Variants in RAPGEF6 observed in about 807,000 individuals in gnomAD.
RAPGEF6 encodes the protein Rap guanine nucleotide exchange factor 6, also known as PDZ domain containing guanine nucleotide exchange factor (GEF) 2.
In RAPGEF6, 56 loss-of-function variants were observed where a neutral mutation model predicts 171.4. The observed-to-expected ratio is 0.33, with a 90% CI of 0.26 to 0.41. RAPGEF6 has a LOEUF of 0.41. Ranked by LOEUF, RAPGEF6 falls within the 10% of genes least tolerant of loss-of-function variation. RAPGEF6 has a pLI of 1.00. For missense variants in RAPGEF6, 1,674 were observed against 1,921.4 expected (o/e 0.87, Z 2.41); for synonymous variants, 692 against 650.1 (o/e 1.06, Z -0.98).
rs1337536459 is a variant in RAPGEF6 at position 131,597,112 on chromosome 5, TA to T, written c.198-4647del. ...GACATAAAAATAGCCAATAGGTATA[TA>T]AAAAAATATTCAAATAAACTAATCA... On this transcript the variant is annotated intron_variant, in intron 3 of 27. Transcript: ENST00000509018. 5.9e-5 allele frequency among the ~76,000 whole-genome samples: 9 copies of T among 152,018 alleles called. No individual in the cohort carries two copies. In the East Asian group the frequency reaches 1.4e-3, roughly 23 times the overall value.
intron 5 of RAPGEF6, among the ~76,000 whole-genome samples, chr5:131,550,110 A>G (rs572320349): frequency 2.6e-5 from 4 of 152,128 alleles, no homozygotes; most frequent in Non-Finnish European, 5.9e-5. Flanking sequence ...AATCTCTCCC[A>G]TAATGCTCTT....
chr5:131,447,832 G>A (rs1419018256), intron 21 of RAPGEF6, among the ~76,000 whole-genome samples: 1 of 151,964 alleles, frequency 6.6e-6, no homozygotes, highest in Non-Finnish European at 1.5e-5. Flanking sequence ...TTCCAATAGG[G>A]GTATATCTTA....
chr5:131,478,314 C>T (rs1561495513), intron 16 of RAPGEF6, among the ~76,000 whole-genome samples: 1 of 152,256 alleles, frequency 6.6e-6, no homozygotes, highest in South Asian at 2.1e-4. Context: ...CAAGTTGCCT[C>T]CCAATTGTTC....
At chr5:131,531,413 T>C (rs1029442457) in intron 6 of RAPGEF6, among the ~76,000 whole-genome samples, 1 of 152,168 alleles carries the variant, frequency 6.6e-6, no homozygotes, top group Admixed American at 6.5e-5. Context: ...ACTCACTGAA[T>C]TAGAGTATAT....
chr5:131,504,453 C>A, intron 11 of RAPGEF6, among the ~76,000 whole-genome samples, 173 bp downstream of exon 11: 1 of 150,004 alleles, frequency 6.7e-6, no homozygotes, highest in African/African-American at 2.5e-5. Context: ...CAGAGTGAGA[C>A]TCCATCACAA....
Position 131,504,717 on chromosome 5 carries a change from T to C in RAPGEF6, c.1163A>G (p.His388Arg), listed in dbSNP as rs987947831. 3.1e-6 allele frequency: 5 copies of C among 1,613,912 alleles called. No individual in the cohort carries two copies. The highest frequency in any genetic ancestry group is 3.4e-6 in the Non-Finnish European group (4 of 1,179,948). Reference sequence around the variant, plus strand: ...AATTTCTCCCTCTTCCTCAACTTTATGGGTATTTTTTTCCACATGGTTTAA... The same window carrying C: ...AATTTCTCCCTCTTCCTCAACTTTACGGGTATTTTTTTCCACATGGTTTAA... Reference protein sequence around the residue: ...RILNHVEKNTHKVEEEGEIVM... With the variant: ...RILNHVEKNTRKVEEEGEIVM... Residue 388 changes from histidine to arginine, a missense_variant, in exon 11 of 28, where the codon CAT becomes CGT. Coordinates refer to ENST00000509018, the MANE Select transcript of RAPGEF6 (RefSeq NM_016340.6).
At chr5:131,428,168 G>A (rs555579252) in intron 27 of RAPGEF6, among the ~76,000 whole-genome samples, 2 of 152,192 alleles carry the variant, frequency 1.3e-5, no homozygotes, top group East Asian at 1.9e-4. Flanking sequence ...CAACACTTTC[G>A]GAGGCTGGGG....
chr5:131,436,528 T>C (rs1752016989), intron 24 of RAPGEF6: 17 of 731,192 alleles, frequency 2.3e-5, no homozygotes, highest in Non-Finnish European at 3.3e-5. Context: ...TGGAAAAAAA[T>C]CTACTTATAT....
intron 4 of RAPGEF6, among the ~76,000 whole-genome samples, chr5:131,566,231 C>T (rs578202069): frequency 6.6e-6 from 1 of 151,508 alleles, no homozygotes; most frequent in Non-Finnish European, 1.5e-5. Context: ...TTTGTACATT[C>T]CCTATATCAG....
At chr5:131,615,071 TAGGTCCTAC>T (rs1765181169) in intron 1 of RAPGEF6, among the ~76,000 whole-genome samples, 2 of 152,220 alleles carry the variant, frequency 1.3e-5, no homozygotes, top group African/African-American at 4.8e-5. Context: ...TGTGATTTAA[TAGGTCCTAC>T]AGGTGATTCT....
intron 4 of RAPGEF6, among the ~76,000 whole-genome samples, chr5:131,579,683 G>T (rs1762820491): frequency 6.6e-6 from 1 of 152,142 alleles, no homozygotes; most frequent in South Asian, 2.1e-4. Flanking sequence ...CCTTTAGCTA[G>T]AAACAAAAGT....
rs1757308916 is a variant in RAPGEF6 at position 131,505,374 on chromosome 5, T to C, written c.1091A>G (p.Asp364Gly). ...YMHGIVRTKV[D>G]DCQFVCIAQQ... ...AAGAGATAATCTTACCTGACAATCA[T>C]CTACTTTAGTCCTGACAATTCCATG... Residue 364 changes from aspartate (D) to glycine (G), a missense_variant, in exon 10 of 28, where the codon GAT becomes GGT. Physicochemically the swap from Asp to Gly is moderately conservative, Grantham distance 94 (BLOSUM62 -1). Coordinates refer to ENST00000509018, the MANE Select transcript of RAPGEF6 (RefSeq NM_016340.6). 2 of 1,613,368 alleles carry C rather than the reference T, an allele frequency of 1.2e-6. No homozygotes were observed. Among genetic ancestry groups the C allele is most frequent in the African/African-American group, 1.3e-5 (1 of 74,914 alleles).
At chr5:131,587,802 A>G (rs1440278961) in intron 4 of RAPGEF6, among the ~76,000 whole-genome samples, 2 of 151,660 alleles carry the variant, frequency 1.3e-5, no homozygotes, top group African/African-American at 2.4e-5. Context: ...TAGAAATGTT[A>G]CTCTCCTTTC....
intron 22 of RAPGEF6, among the ~76,000 whole-genome samples, chr5:131,443,028 C>T (rs2149814428): frequency 6.6e-6 from 1 of 151,512 alleles, no homozygotes; most frequent in South Asian, 2.1e-4. Context: ...ATCTTGGCTC[C>T]CAGGTTCAAG....
At chr5:131,571,189 G>A (rs972918110) in intron 4 of RAPGEF6, among the ~76,000 whole-genome samples, 4 of 151,890 alleles carry the variant, frequency 2.6e-5, no homozygotes, top group Non-Finnish European at 4.4e-5. Context: ...TGATCCACCC[G>A]CCTTGGCCTC....
chr5:131,568,797 T>C (rs1376024182), intron 4 of RAPGEF6, among the ~76,000 whole-genome samples: 1 of 152,194 alleles, frequency 6.6e-6, no homozygotes, highest in East Asian at 1.9e-4. Flanking sequence ...AATGAAACTA[T>C]GTTTAACATA....
intron 1 of RAPGEF6, among the ~76,000 whole-genome samples, chr5:131,608,698 G>C (rs891030670): frequency 6.6e-6 from 1 of 152,100 alleles, no homozygotes; most frequent in Non-Finnish European, 1.5e-5. Flanking sequence ...CTTGTCTGAG[G>C]GGGTAAGTGA....
chr5:131,627,427 C>T (rs1343945695), intron 1 of RAPGEF6, among the ~76,000 whole-genome samples: 2 of 152,148 alleles, frequency 1.3e-5, no homozygotes, highest in Non-Finnish European at 2.9e-5. Context: ...GATGACTTTA[C>T]AAAATGTATT....
Position 131,430,857 on chromosome 5 carries a change from A to G in RAPGEF6, c.4465+2T>C. 6.3e-7 allele frequency: 1 copy of G among 1,590,190 alleles called. No individual in the cohort carries two copies. The highest frequency in any genetic ancestry group is 8.5e-7 in the Non-Finnish European group (1 of 1,170,704). On this transcript the variant is annotated splice_donor_variant, in intron 26 of 27. Coordinates refer to ENST00000509018, the MANE Select transcript of RAPGEF6 (RefSeq NM_016340.6). LOFTEE classifies it high-confidence loss of function. Reference sequence around the variant, plus strand: ...GCCACAGACAACAAAAACACAACTTACCAATCAAGCCCTTTTCTGTACTTG... The same window carrying G: ...GCCACAGACAACAAAAACACAACTTGCCAATCAAGCCCTTTTCTGTACTTG...
Sources: gnomAD v4.1 joint callset for allele counts (sites outside exome capture counted in the v4.1 genomes callset) on GRCh38, gnomAD v4.1.1 for gene constraint, MANE v1.5 for transcripts, NCBI Gene and HGNC (gene_info 2026-07-23, HGNC 2026-07-21) for gene names.